VEPH1: variants seen among roughly 807,000 people sequenced by gnomAD.
The protein encoded by VEPH1 is ventricular zone expressed PH domain containing 1, also known as ventricular zone-expressed PH domain-containing protein homolog 1.
In VEPH1, 80 loss-of-function variants were observed where a neutral mutation model predicts 85.2. The observed-to-expected ratio is 0.94, with a 90% CI of 0.78 to 1.13. VEPH1 has a LOEUF of 1.13. Among genes scored for constraint, VEPH1 ranks in the 50% most tolerant of loss-of-function variants. The pLI is 0.00. For missense variants in VEPH1, 955 were observed against 980.5 expected (o/e 0.97, Z 0.35); for synonymous variants, 297 against 348.0 (o/e 0.85, Z 1.63).
chr3:157,354,380 G>T (rs9849526), intron 9 of VEPH1, among the ~76,000 whole-genome samples: 4 of 151,832 alleles, frequency 2.6e-5, no homozygotes, highest in African/African-American at 9.7e-5. Flanking sequence ...GGGTGATTAG[G>T]CCCAACCCAC....
chr3:157,437,079 C>G (rs1322706845), intron 4 of VEPH1: 1 of 1,612,488 alleles, frequency 6.2e-7, no homozygotes, highest in Admixed American at 1.7e-5. Context: ...TTCACTTTAA[C>G]TGTTTCTCTG....
At chr3:157,415,925 C>G (rs2109044676) in intron 5 of VEPH1, among the ~76,000 whole-genome samples, 1 of 152,234 alleles carries the variant, frequency 6.6e-6, no homozygotes, top group African/African-American at 2.4e-5. Context: ...CCTCTTCCTT[C>G]TCAGTCTATA....
intron 11 of VEPH1, among the ~76,000 whole-genome samples, chr3:157,294,345 G>A (rs1717867464): frequency 6.6e-6 from 1 of 152,096 alleles, no homozygotes; most frequent in Non-Finnish European, 1.5e-5. Context: ...ACATGTCTTG[G>A]AACAGATACG....
intron 4 of VEPH1, 137 bp from the exon 5 acceptor site, chr3:157,428,625 A>T (rs1208056654): frequency 1.6e-5 from 12 of 734,324 alleles, no homozygotes; most frequent in Non-Finnish European, 2.4e-5. Flanking sequence ...TGCTAAAAAT[A>T]ACATGGTACC....
chr3:157,390,210 CA>C (rs1161901056), intron 6 of VEPH1, among the ~76,000 whole-genome samples: 1 of 151,854 alleles, frequency 6.6e-6, no homozygotes, highest in Non-Finnish European at 1.5e-5. Context: ...CAATAAAAGA[CA>C]AAAAAAGTTT....
chr3:157,357,174 T>C (rs1436706029), intron 9 of VEPH1, among the ~76,000 whole-genome samples: 1 of 152,214 alleles, frequency 6.6e-6, no homozygotes, highest in Non-Finnish European at 1.5e-5. Flanking sequence ...CTCCTGTGCA[T>C]TTTCGCTCCA....
At chr3:157,387,809 TG>T (rs1729458434) in intron 6 of VEPH1, among the ~76,000 whole-genome samples, 1 of 152,188 alleles carries the variant, frequency 6.6e-6, no homozygotes, top group Non-Finnish European at 1.5e-5. Flanking sequence ...TCAATTTTAT[TG>T]AAATGGGTGG....
intron 4 of VEPH1, chr3:157,442,773 A>G (rs773182710): frequency 1.2e-6 from 2 of 1,614,128 alleles, no homozygotes; most frequent in African/African-American, 1.3e-5. Context: ...TGGCCAAGAA[A>G]AGAATGGCTG....
intron 11 of VEPH1, among the ~76,000 whole-genome samples, chr3:157,297,072 C>T (rs1442201488): frequency 6.6e-6 from 1 of 152,044 alleles, no homozygotes; most frequent in East Asian, 1.9e-4. Context: ...ATTTTGAGAC[C>T]AGCCTGGGCA....
chr3:157,467,875 A>G (rs1473669238), intron 3 of VEPH1, among the ~76,000 whole-genome samples: 3 of 152,208 alleles, frequency 2.0e-5, no homozygotes, highest in African/African-American at 7.2e-5. Flanking sequence ...ACAATCTTAC[A>G]AACTCATTTA....
chr3:157,435,617 C>A (rs1733507197), intron 4 of VEPH1, among the ~76,000 whole-genome samples: 1 of 152,232 alleles, frequency 6.6e-6, no homozygotes, highest in Non-Finnish European at 1.5e-5. Flanking sequence ...GGTTATAGAA[C>A]TAATAACCCC....
intron 10 of VEPH1, 55 bp downstream of exon 10, chr3:157,317,007 A>C: frequency 6.5e-7 from 1 of 1,534,650 alleles, no homozygotes; most frequent in Non-Finnish European, 8.8e-7. Context: ...AAATGATTAT[A>C]AGCCCATATC....
intron 5 of VEPH1, among the ~76,000 whole-genome samples, chr3:157,423,063 C>T (rs780247132): frequency 2.0e-5 from 3 of 152,162 alleles, no homozygotes; most frequent in Non-Finnish European, 2.9e-5. Context: ...GACTTTTCCT[C>T]GTTCTTCATG....
chr3:157,321,583 C>G (rs560764909), intron 9 of VEPH1, among the ~76,000 whole-genome samples: 25 of 152,296 alleles, frequency 1.6e-4, no homozygotes, highest in Non-Finnish European at 3.1e-4. Context: ...AGCCTATTCT[C>G]TTTCTAGTAC....
chr3:157,479,250 T>C (rs972842527), intron 2 of VEPH1, among the ~76,000 whole-genome samples: 47 of 152,260 alleles, frequency 3.1e-4, no homozygotes, highest in African/African-American at 1.1e-3. Flanking sequence ...CTATTTAATG[T>C]CAAACCCATC....
At position 157,300,598 on chromosome 3, in the gene VEPH1, TATTA is replaced by T. The variant is rs1718680350; in HGVS notation, c.2010+13019_2010+13022del. 2.6e-5 allele frequency among the ~76,000 whole-genome samples: 4 copies of T among 152,352 alleles called. No homozygotes were observed. In the South Asian group the frequency reaches 6.2e-4, roughly 24 times the overall value. ...TGGTTAGAGAGTTACGAATAGTGTATATTAATTAGCCAAGAGTAAAGGTAATAAT... is the reference window on the plus strand; with the variant it reads ...TGGTTAGAGAGTTACGAATAGTGTATATTAGCCAAGAGTAAAGGTAATAAT... On this transcript the variant is annotated intron_variant, in intron 11 of 13. Transcript: ENST00000362010.
intron 7 of VEPH1, among the ~76,000 whole-genome samples, chr3:157,365,436 G>T (rs1039518344): frequency 4.6e-5 from 7 of 152,202 alleles, no homozygotes; most frequent in African/African-American, 1.4e-4. Context: ...CAATATGTGG[G>T]TTTTTTTCTC....
At chr3:157,435,377 AT>A (rs1165328048) in intron 4 of VEPH1, among the ~76,000 whole-genome samples, 2 of 152,186 alleles carry the variant, frequency 1.3e-5, no homozygotes, top group Non-Finnish European at 2.9e-5. Context: ...ATATATTTGA[AT>A]TCTAAACATA....
rs139009308 is a variant in VEPH1, at chr3:157,290,301, G to T, written c.2011-3627C>A. On this transcript the variant is annotated intron_variant, in intron 11 of 13. Coordinates refer to ENST00000362010, the MANE Select transcript of VEPH1 (RefSeq NM_001167912.2). The stretch of plus-strand genomic sequence containing the variant: ...GTTTGAAAGCAGATCCTACCCATTT[G>T]AACCTCCAAATGAAAACACAGCCTA... Among the ~76,000 whole-genome samples, 643 of 152,228 alleles carry T rather than the reference G, an allele frequency of 4.2e-3. 6 individuals are homozygous for T. The highest frequency in any genetic ancestry group is 0.015 in the African/African-American group (615 of 41,546).
Sources: allele counts gnomAD v4.1 joint callset (sites outside exome capture counted in the v4.1 genomes callset), GRCh38; gene constraint gnomAD v4.1.1; transcripts MANE v1.5; gene names NCBI Gene and HGNC (gene_info 2026-07-23, HGNC 2026-07-21).